The following PRDM10 variants were observed in gnomAD, a reference collection of about 807,000 sequenced individuals.
PRDM10 encodes the protein PR domain zinc finger protein 10.
Under a neutral mutation model 133.1 loss-of-function variants are expected in PRDM10, and 65 were observed. The ratio of observed to expected loss-of-function variants is 0.49; its 90% CI spans 0.40 to 0.60. PRDM10 has a LOEUF of 0.60. Ranked by LOEUF, PRDM10 falls within the 20% of genes least tolerant of loss-of-function variation. The pLI, the probability that PRDM10 is intolerant of heterozygous loss-of-function variation, is 0.00. For missense variants in PRDM10, 1,137 were observed against 1,507.1 expected (o/e 0.75, Z 4.07); for synonymous variants, 582 against 580.4 (o/e 1.00, Z -0.04).
intron 1 of PRDM10, among the ~76,000 whole-genome samples, chr11:129,965,043 C>T (rs1951876587): frequency 6.6e-6 from 1 of 152,290 alleles, no homozygotes; most frequent in South Asian, 2.1e-4. Flanking sequence ...AGGTGGCTCA[C>T]GCCTGTAATC....
Position 129,942,416 on chromosome 11 carries a change from A to G in PRDM10, c.966+10T>C. 6.2e-7 allele frequency: 1 copy of G among 1,612,172 alleles called. No individual in the cohort carries two copies. Among genetic ancestry groups the G allele is most frequent in the Non-Finnish European group, 8.5e-7 (1 of 1,178,552 alleles). On this transcript the variant is annotated intron_variant, in intron 7 of 20. Coordinates refer to ENST00000360871, the MANE Select transcript of PRDM10 (RefSeq NM_199437.2). ...TAGCAAATAGCAGCACGGGTCAGGC[A>G]GCACTGTACCTTCAGTTCCTGCTTG... is the stretch of plus-strand genomic sequence containing the variant.
chr11:129,990,354 C>CA (rs201585012), intron 1 of PRDM10, among the ~76,000 whole-genome samples: 12 of 143,748 alleles, frequency 8.3e-5, no homozygotes, highest in South Asian at 4.5e-4. Context: ...ACAAAAAAAA[C>CA]AAAAAAAAAT....
chr11:129,934,600 C>T lies in PRDM10; in HGVS notation c.1157+501G>A, dbSNP rs554776567. Among the ~76,000 whole-genome samples the T allele has an allele frequency of 7.9e-5, 12 of 152,306 alleles. No homozygotes were observed. The East Asian group carries it at 2.3e-3, about 29-fold the overall frequency. On this transcript the variant is annotated intron_variant, in intron 9 of 20. Transcript: ENST00000360871. The stretch of plus-strand genomic sequence containing the variant: ...CACAATACTCCCCGACCAAAACCCT[C>T]TAAAGACTTCTCATCACACTTGGAA...
chr11:129,968,688 G>A (rs542319514), intron 1 of PRDM10, among the ~76,000 whole-genome samples: 8 of 150,168 alleles, frequency 5.3e-5, no homozygotes, highest in Admixed American at 2.0e-4. Flanking sequence ...CCCCCAGGAC[G>A]TAGGACTCAG....
chr11:129,905,066 T>C (rs1361700480), intron 20 of PRDM10, among the ~76,000 whole-genome samples: 1 of 151,976 alleles, frequency 6.6e-6, no homozygotes, highest in African/African-American at 2.4e-5. Context: ...AAGAAGCATA[T>C]AAAAACGCTC....
In PRDM10 at chr11:129,923,477, G is replaced by T; in HGVS notation, c.1879-74C>A. Reference sequence around the variant, plus strand: ...AAATGACCAAAGGCAGCTTGTCAACGCTAGAGGGAGCCAAACGCATTACCA... The same window carrying T: ...AAATGACCAAAGGCAGCTTGTCAACTCTAGAGGGAGCCAAACGCATTACCA... On this transcript the variant is annotated intron_variant, in intron 12 of 20. Coordinates refer to ENST00000360871, the MANE Select transcript of PRDM10 (RefSeq NM_199437.2). This position sits in a 1 kb window ranked among gnomAD's most constrained non-coding sequence, Gnocchi z 4.4. The T allele has an allele frequency of 6.8e-7, 1 of 1,460,726 alleles. No individual in the cohort carries two copies. The highest frequency in any genetic ancestry group is 9.1e-7 in the Non-Finnish European group (1 of 1,095,708). The allele number at this position is 1,460,726 out of a possible 1,614,324, so 90.5% of individuals were successfully genotyped here. A position where few individuals can be genotyped will look rare whatever the true frequency, so the allele number is the denominator to read the frequency against.
intron 3 of PRDM10, among the ~76,000 whole-genome samples, chr11:129,956,795 C>G (rs141361812): frequency 1.7e-3 from 255 of 152,182 alleles, no homozygotes; most frequent in African/African-American, 6.0e-3. Flanking sequence ...GTGATCTGAG[C>G]CTCTTTATTG....
intron 7 of PRDM10, among the ~76,000 whole-genome samples, chr11:129,940,058 C>G (rs1229894026): frequency 6.6e-6 from 1 of 152,182 alleles, no homozygotes; most frequent in Non-Finnish European, 1.5e-5. Flanking sequence ...AACAGTGATG[C>G]AGGAAAAAGA....
At position 129,947,080 on chromosome 11, in the gene PRDM10, G is replaced by A. The variant is rs879521106; in HGVS notation, c.520+65C>T. ...GCACGGGAGCTATGTTCACACACAC[G>A]CACACGTACACAGACACACAAGATG... On this transcript the variant is annotated intron_variant, in intron 5 of 20. Transcript: ENST00000360871. The surrounding 1 kb of genome is among the most constrained non-coding windows in gnomAD (Gnocchi z 4.6). 38 of 1,577,598 alleles carry A rather than the reference G, an allele frequency of 2.4e-5. No individual in the cohort carries two copies. Among genetic ancestry groups the A allele is most frequent in the Non-Finnish European group, 2.8e-5 (33 of 1,159,490 alleles).
At chr11:129,927,176 C>CAAAAAAA (rs57015735) in intron 11 of PRDM10, among the ~76,000 whole-genome samples, 36 of 79,364 alleles carry the variant, frequency 4.5e-4, no homozygotes, top group Non-Finnish European at 7.1e-4. Context: ...GACTCTGTCT[C>CAAAAAAA]AAAAAAAAAA....
chr11:129,935,416 T>G (rs1281060453), intron 8 of PRDM10, among the ~76,000 whole-genome samples, 198 bp from the exon 9 acceptor site: 1 of 152,180 alleles, frequency 6.6e-6, no homozygotes, highest in Non-Finnish European at 1.5e-5. Flanking sequence ...GATCTTATTT[T>G]CTAATGCATC....
intron 1 of PRDM10, among the ~76,000 whole-genome samples, chr11:129,996,195 T>G (rs991382301): frequency 2.6e-5 from 4 of 152,184 alleles, no homozygotes; most frequent in Non-Finnish European, 2.9e-5. Flanking sequence ...AAGCACTGAA[T>G]GTTACTGTTA....
At chr11:129,951,911 T>A (rs1429383595) in intron 4 of PRDM10, among the ~76,000 whole-genome samples, 1 of 148,740 alleles carries the variant, frequency 6.7e-6, no homozygotes, top group Non-Finnish European at 1.5e-5. Flanking sequence ...AATGGGAACC[T>A]TTTGGCTAAG....
chr11:129,915,425 G>A (rs1020048247), intron 16 of PRDM10, among the ~76,000 whole-genome samples: 3 of 152,236 alleles, frequency 2.0e-5, no homozygotes, highest in Admixed American at 1.3e-4. Context: ...CAAGGGAAAA[G>A]GAAAACAGCC....
chr11:129,935,803 A>G (rs769982450), intron 8 of PRDM10, among the ~76,000 whole-genome samples: 4 of 152,162 alleles, frequency 2.6e-5, no homozygotes, highest in Non-Finnish European at 5.9e-5. Flanking sequence ...AAACAATCTC[A>G]TCATGTAATA....
At chr11:129,948,411 C>T (rs1951489905) in intron 4 of PRDM10, among the ~76,000 whole-genome samples, 1 of 152,162 alleles carries the variant, frequency 6.6e-6, no homozygotes, top group Non-Finnish European at 1.5e-5. Flanking sequence ...CCTTCTAAAT[C>T]CTACCACATT....
At chr11:129,935,292 C>T in intron 8 of PRDM10, 74 bp from the exon 9 acceptor site, 1 of 1,063,074 alleles carries the variant, frequency 9.4e-7, no homozygotes, top group Non-Finnish European at 1.5e-6. Context: ...TCTGCGATCC[C>T]CACCATTCTT....
rs202160396 is a variant in PRDM10, at chr11:129,932,191, C to T, written c.1198G>A (p.Gly400Ser). 2.5e-6 allele frequency: 4 copies of T among 1,614,092 alleles called. No homozygotes were observed. The highest frequency in any genetic ancestry group is 2.2e-5 in the East Asian group (1 of 44,878). Residue 400 changes from glycine to serine, a missense_variant, in exon 10 of 21, where the codon GGT (glycine) becomes AGT (serine). Gly to Ser is a moderately conservative substitution (Grantham distance 56, BLOSUM62 0). Around this residue, in one of 6 missense-constraint regions of PRDM10, gnomAD observed 635 missense variants for 835.2 expected, o/e 0.76. Coordinates refer to ENST00000360871, the MANE Select transcript of PRDM10 (RefSeq NM_199437.2). ...RGRGRGKRRF[G>S]PGRRPGRPPK... ...GGACGCCCCGGCCGTCGACCTGGAC[C>T]GAATCGCCTCTTGCCTCGTCCCCTT...
rs571931699 is a variant in PRDM10 at position 129,917,036 on chromosome 11, A to G, written c.2325+91T>C. ...AGGTAACCATCTGGTAAGAGTAACA[A>G]AAAAATCGTAGTATATATTTATAAA... On this transcript the variant is annotated intron_variant, in intron 15 of 20. Coordinates refer to ENST00000360871, the MANE Select transcript of PRDM10 (RefSeq NM_199437.2). 16 of 865,004 alleles carry G rather than the reference A, an allele frequency of 1.8e-5. No individual in the cohort carries two copies. In the South Asian group the frequency reaches 3.3e-4, roughly 18 times the overall value. The allele number at this position is 865,004 out of a possible 1,614,324, so 53.6% of individuals were successfully genotyped here. A position where few individuals can be genotyped will look rare whatever the true frequency, so the allele number is the denominator to read the frequency against.
Sources: allele counts gnomAD v4.1 joint callset (sites outside exome capture counted in the v4.1 genomes callset), GRCh38; gene constraint gnomAD v4.1.1; regional missense constraint gnomAD v4.1.1; non-coding constraint Gnocchi (gnomAD v3.1); transcripts MANE v1.5; gene names NCBI Gene and HGNC (gene_info 2026-07-23, HGNC 2026-07-21).